The following BCL2L1 variants were observed in gnomAD, a reference collection of about 807,000 sequenced individuals.
The protein encoded by BCL2L1 is bcl-2-like protein 1.
Under a neutral mutation model 18.7 loss-of-function variants are expected in BCL2L1, and 1 was observed. The ratio of observed to expected loss-of-function variants is 0.05; its 90% CI spans 0.02 to 0.25. The LOEUF (loss-of-function observed/expected upper bound fraction) is 0.25. BCL2L1 is among the 10% of genes least tolerant of loss of function. The pLI is 1.00. For missense variants in BCL2L1, 207 were observed against 304.9 expected (o/e 0.68, Z 2.39); for synonymous variants, 103 against 122.7 (o/e 0.84, Z 1.06).
chr20:31,668,100 T>C (rs961151562), intron 2 of BCL2L1, among the ~76,000 whole-genome samples: 5 of 152,092 alleles, frequency 3.3e-5, no homozygotes, highest in African/African-American at 1.2e-4. Context: ...ACTGGCCTCC[T>C]TGCTGTTCCT....
At chr20:31,674,482 A>C (rs1364988424) in intron 2 of BCL2L1, among the ~76,000 whole-genome samples, 12 of 152,170 alleles carry the variant, frequency 7.9e-5, no homozygotes, top group Admixed American at 7.9e-4. Flanking sequence ...AAGGACAATC[A>C]TGGGCCAGGT....
chr20:31,692,728 G>A (rs2061095992), intron 2 of BCL2L1, among the ~76,000 whole-genome samples: 1 of 152,048 alleles, frequency 6.6e-6, no homozygotes, highest in South Asian at 2.1e-4. Context: ...GGCCAAGATG[G>A]TGAAACCCCA....
chr20:31,672,997 C>T (rs1047678076), intron 2 of BCL2L1, among the ~76,000 whole-genome samples: 3 of 151,946 alleles, frequency 2.0e-5, no homozygotes, highest in East Asian at 1.9e-4. Flanking sequence ...ACTGTGCCCA[C>T]CCTTCCCACT....
At chr20:31,678,745 C>A (rs1158412998) in intron 2 of BCL2L1, among the ~76,000 whole-genome samples, 41 of 152,170 alleles carry the variant, frequency 2.7e-4, no homozygotes, top group Non-Finnish European at 1.5e-5. Context: ...CCTGTGGCCT[C>A]GACCTCTTCA....
At chr20:31,691,634 G>T (rs73245821) in intron 2 of BCL2L1, among the ~76,000 whole-genome samples, 237 of 152,192 alleles carry the variant, frequency 1.6e-3, no homozygotes, top group African/African-American at 5.4e-3. Flanking sequence ...TGAGGCAGAA[G>T]AACTGAAAGA....
chr20:31,692,257 GAC>G (rs1312091474), intron 2 of BCL2L1, among the ~76,000 whole-genome samples: 2 of 152,254 alleles, frequency 1.3e-5, no homozygotes, highest in African/African-American at 4.8e-5. Context: ...ATGTGCAGGA[GAC>G]ACAAACAGTT....
intron 2 of BCL2L1, among the ~76,000 whole-genome samples, chr20:31,704,144 C>T (rs1168610282): frequency 6.9e-6 from 1 of 144,186 alleles, no homozygotes; most frequent in Non-Finnish European, 1.5e-5. Flanking sequence ...CTCCCTGTCA[C>T]CTAGGCTGGA....
intron 2 of BCL2L1, among the ~76,000 whole-genome samples, chr20:31,669,435 T>C (rs1307855373): frequency 6.7e-6 from 1 of 150,186 alleles, no homozygotes; most frequent in Non-Finnish European, 1.5e-5. Context: ...TTTGTTGTGA[T>C]GTGTCTTCCA....
intron 2 of BCL2L1, among the ~76,000 whole-genome samples, chr20:31,675,961 G>A (rs548531105): frequency 1.3e-5 from 2 of 152,308 alleles, no homozygotes; most frequent in East Asian, 3.9e-4. Flanking sequence ...TTAGTTCTAA[G>A]AAGCTGTGCC....
At position 31,721,861 on chromosome 20, in the gene BCL2L1, A is replaced by G. The variant is rs748811612; in HGVS notation, c.358T>C (p.Tyr120His). ...SQLHITPGTA[Y>H]QSFEQVVNEL... Reference sequence around the variant, plus strand: ...TTCACTACCTGTTCAAAGCTCTGATATGCTGTCCCTGGGGTGATGTGGAGC... The same window carrying G: ...TTCACTACCTGTTCAAAGCTCTGATGTGCTGTCCCTGGGGTGATGTGGAGC... Residue 120 changes from tyrosine (Y) to histidine (H), a missense_variant, in exon 2 of 3, where the codon TAT becomes CAT. Transcript: ENST00000307677. 2 of 1,614,202 alleles carry G rather than the reference A, an allele frequency of 1.2e-6. No individual in the cohort carries two copies. The highest frequency in any genetic ancestry group is 3.3e-5 in the Admixed American group (2 of 60,016).
intron 2 of BCL2L1, among the ~76,000 whole-genome samples, chr20:31,677,597 C>T (rs1184578099): frequency 6.6e-6 from 1 of 152,184 alleles, no homozygotes; most frequent in Non-Finnish European, 1.5e-5. Flanking sequence ...GTTTATTGTT[C>T]TTACTAGTAG....
At chr20:31,668,294 C>G (rs2060616048) in intron 2 of BCL2L1, among the ~76,000 whole-genome samples, 1 of 151,998 alleles carries the variant, frequency 6.6e-6, no homozygotes, top group African/African-American at 2.4e-5. Flanking sequence ...CTCTGCCTGT[C>G]CCCTTACCTT....
At chr20:31,719,466 G>T (rs1045317100) in intron 2 of BCL2L1, among the ~76,000 whole-genome samples, 1 of 152,120 alleles carries the variant, frequency 6.6e-6, no homozygotes, top group Admixed American at 6.5e-5. Context: ...TTCTACCCAG[G>T]CTCAAAGGAT....
At chr20:31,678,745 C>T (rs1158412998) in intron 2 of BCL2L1, among the ~76,000 whole-genome samples, 2 of 152,170 alleles carry the variant, frequency 1.3e-5, no homozygotes, top group Admixed American at 1.3e-4. Context: ...CCTGTGGCCT[C>T]GACCTCTTCA....
chr20:31,721,123 T>C (rs912265912), intron 2 of BCL2L1, among the ~76,000 whole-genome samples: 30 of 152,188 alleles, frequency 2.0e-4, no homozygotes, highest in Admixed American at 1.4e-3. Flanking sequence ...CCTATGGCCA[T>C]GCCCTAGTCT....
At chr20:31,720,251 C>G in intron 2 of BCL2L1, 1 of 719,986 alleles carries the variant, frequency 1.4e-6, no homozygotes, top group African/African-American at 1.9e-5. Flanking sequence ...AGGGCAAACT[C>G]AGGAGGTCTC....
intron 2 of BCL2L1, among the ~76,000 whole-genome samples, chr20:31,673,817 G>C (rs930296167): frequency 3.3e-5 from 5 of 152,138 alleles, no homozygotes; most frequent in African/African-American, 4.8e-5. Flanking sequence ...ATTCACTTGA[G>C]AGATTATTTT....
chr20:31,669,385 A>G (rs1466989098), intron 2 of BCL2L1, among the ~76,000 whole-genome samples: 1 of 150,372 alleles, frequency 6.7e-6, no homozygotes, highest in Non-Finnish European at 1.5e-5. Flanking sequence ...TTTTTCCCCC[A>G]TTAAGCTGTA....
intron 2 of BCL2L1, among the ~76,000 whole-genome samples, chr20:31,718,383 CG>C (rs1203087395): frequency 6.6e-6 from 1 of 152,180 alleles, no homozygotes; most frequent in East Asian, 1.9e-4. Flanking sequence ...GGGCCAGGCA[CG>C]GTGGTTCATG....
Sources: allele counts gnomAD v4.1 joint callset (sites outside exome capture counted in the v4.1 genomes callset), GRCh38; gene constraint gnomAD v4.1.1; transcripts MANE v1.5; gene names NCBI Gene and HGNC (gene_info 2026-07-23, HGNC 2026-07-21).